The following NFATC2IP variants were observed in gnomAD, a reference collection of about 807,000 sequenced individuals.
NFATC2IP encodes the protein nuclear factor of activated T cells 2 interacting protein, also known as NFATC2-interacting protein.
In NFATC2IP, 25 loss-of-function variants were observed where a neutral mutation model predicts 40.2. The ratio of observed to expected loss-of-function variants is 0.62; its 90% CI spans 0.45 to 0.87. The LOEUF (loss-of-function observed/expected upper bound fraction) is 0.87. NFATC2IP is among the 40% of genes least tolerant of loss of function. NFATC2IP has a pLI of 0.00. For synonymous variants in NFATC2IP, 241 were observed against 236.3 expected (o/e 1.02, Z -0.18); for missense variants, 553 against 555.6 (o/e 1.00, Z 0.05).
chr16:28,951,255 G>C lies in NFATC2IP; in HGVS notation c.244G>C (p.Val82Leu). Residue 82 changes from valine to leucine, a missense_variant, in exon 1 of 8, where the codon GTC becomes CTC. By Grantham distance (32) the Val-to-Leu change is conservative. Coordinates refer to ENST00000320805, the MANE Select transcript of NFATC2IP (RefSeq NM_032815.4). Reference protein sequence around the residue: ...EVEPPEPPGPVASRDNSNSDS... With the variant: ...EVEPPEPPGPLASRDNSNSDS... ...GGAGCCCCCGGAGCCCCCGGGGCCGGTCGCGTCCCGGGATAACAGCAACAG... is the reference window on the plus strand; with the variant it reads ...GGAGCCCCCGGAGCCCCCGGGGCCGCTCGCGTCCCGGGATAACAGCAACAG... 1 of 1,488,712 alleles carries C rather than the reference G, an allele frequency of 6.7e-7. No individual in the cohort carries two copies. The highest frequency in any genetic ancestry group is 9.0e-7 in the Non-Finnish European group (1 of 1,113,532). The allele number at this position is 1,488,712 out of a possible 1,614,324, so 92.2% of individuals were successfully genotyped here. A position where few individuals can be genotyped will look rare whatever the true frequency, so the allele number is the denominator to read the frequency against.
chr16:28,961,529 T>C (rs1367699240), intron 7 of NFATC2IP, among the ~76,000 whole-genome samples: 1 of 151,834 alleles, frequency 6.6e-6, no homozygotes, highest in East Asian at 1.9e-4. Context: ...AATCAAGGTG[T>C]TAGCAGAGCA....
chr16:28,951,395 G>A lies in NFATC2IP; in HGVS notation c.384G>A (p.Gly128=). Reference sequence around the variant, plus strand: ...CGCCGCTGGTTCCGGTGTACTCGGGGAAGGTGCGCCCGGTCCCGGGGAGGG... The same window carrying A: ...CGCCGCTGGTTCCGGTGTACTCGGGAAAGGTGCGCCCGGTCCCGGGGAGGG... The part of the protein sequence containing the change: ...GEAPLVPVYS[G]KVKSSLRLIP... The change falls in exon 1 of 8, where the codon GGG becomes GGA. Residue 128 remains glycine (G), a synonymous_variant. Transcript: ENST00000320805. 4.3e-6 allele frequency: 6 copies of A among 1,398,284 alleles called. No individual in the cohort carries two copies. Among genetic ancestry groups the A allele is most frequent in the Non-Finnish European group, 5.6e-6 (6 of 1,079,980 alleles). The allele number at this position is 1,398,284 out of a possible 1,614,324, so 86.6% of individuals were successfully genotyped here.
intron 7 of NFATC2IP, 130 bp downstream of exon 7, chr16:28,959,230 G>GGCAT: frequency 1.6e-6 from 1 of 629,262 alleles, no homozygotes; most frequent in Non-Finnish European, 2.9e-6. Context: ...CATGTTCTTG[G>GGCAT]GTTCCCAGCC....
chr16:28,952,016 T>A lies in NFATC2IP; in HGVS notation c.388-116T>A, dbSNP rs1026896952. On this transcript the variant is annotated intron_variant, in intron 1 of 7. Transcript: ENST00000320805. ...AGGTTGCCAGGAGAGGGCCAAGGTG[T>A]CCACGATCTTAGGGAGGATTTGGGA... 9.9e-6 allele frequency: 14 copies of A among 1,407,740 alleles called. No individual in the cohort carries two copies. The Admixed American group carries it at 2.3e-4, about 23-fold the overall frequency. 87.2% of individuals were successfully genotyped at this position (1,407,740 alleles called of 1,614,324 possible).
At chr16:28,952,436 G>A (rs1964977903) in intron 2 of NFATC2IP, 2 of 576,416 alleles carry the variant, frequency 3.5e-6, no homozygotes, top group Non-Finnish European at 5.8e-6. Flanking sequence ...CCTGGGCGGG[G>A]CAGGAGGCGG....
At chr16:28,962,202 C>T (rs762279991) in intron 7 of NFATC2IP, among the ~76,000 whole-genome samples, 1 of 152,152 alleles carries the variant, frequency 6.6e-6, no homozygotes, top group Admixed American at 6.6e-5. Context: ...CACTGCACCT[C>T]GCCCCCTCCT....
intron 7 of NFATC2IP, among the ~76,000 whole-genome samples, 162 bp from the exon 8 acceptor site, chr16:28,963,542 CT>C (rs1175346312): frequency 1.3e-5 from 2 of 152,232 alleles, no homozygotes; most frequent in African/African-American, 4.8e-5. Context: ...AGGAGCCTGG[CT>C]GGGCTGGCTT....
intron 3 of NFATC2IP, among the ~76,000 whole-genome samples, chr16:28,955,626 C>T (rs1415188156): frequency 6.6e-6 from 1 of 152,046 alleles, no homozygotes; most frequent in Non-Finnish European, 1.5e-5. Context: ...AGAGATAGGG[C>T]CTCACTCCAT....
intron 7 of NFATC2IP, 52 bp from the exon 8 acceptor site, chr16:28,963,653 A>G (rs1045745639): frequency 2.2e-5 from 35 of 1,560,298 alleles, no homozygotes; most frequent in Non-Finnish European, 2.9e-5. Flanking sequence ...TCCCTACGGG[A>G]TCCCCGCCCC....
In NFATC2IP at chr16:28,958,866, G is replaced by A. The variant is rs749939589; in HGVS notation, c.991+5G>A. 1 of 1,613,718 alleles carries A rather than the reference G, an allele frequency of 6.2e-7. No homozygotes were observed. The highest frequency in any genetic ancestry group is 2.2e-5 in the East Asian group (1 of 44,886). ...TCGGAGTGGCTGACATCATTGGTGA[G>A]AGGAAGGCAGGGAGGTGGGGCCTTG... On this transcript the variant is annotated splice_donor_5th_base_variant and intron_variant, in intron 6 of 7. Transcript: ENST00000320805.
intron 1 of NFATC2IP, 65 bp from the exon 2 acceptor site, chr16:28,952,067 C>G: frequency 3.7e-6 from 6 of 1,607,814 alleles, no homozygotes; most frequent in South Asian, 3.3e-5. Flanking sequence ...AGAATTACCC[C>G]CAATTTTTTC....
chr16:28,958,179 G>T (rs2141644240), intron 5 of NFATC2IP, among the ~76,000 whole-genome samples: 1 of 151,970 alleles, frequency 6.6e-6, no homozygotes, highest in South Asian at 2.1e-4. Flanking sequence ...GCCAGGTGCG[G>T]TGGCTCACAC....
At chr16:28,954,420 A>G (rs1461369060) in intron 2 of NFATC2IP, 145 bp from the exon 3 acceptor site, 1 of 555,058 alleles carries the variant, frequency 1.8e-6, no homozygotes, top group African/African-American at 1.8e-5. Flanking sequence ...CTTTCCCAAT[A>G]TTATCATGTG....
At chr16:28,952,253 A>C (rs774699468) in intron 2 of NFATC2IP, 49 bp downstream of exon 2, 1 of 1,611,188 alleles carries the variant, frequency 6.2e-7, no homozygotes, top group Non-Finnish European at 8.5e-7. Context: ...GCTTCTCTTA[A>C]GAGAATTCCT....
At chr16:28,952,313 C>T (rs747885177) in intron 2 of NFATC2IP, 109 bp downstream of exon 2, 19 of 1,533,962 alleles carry the variant, frequency 1.2e-5, no homozygotes, top group Non-Finnish European at 1.5e-5. Flanking sequence ...AAGGGAAGAG[C>T]GTGGGAGAGG....
At chr16:28,952,607 A>G (rs1431647796) in intron 2 of NFATC2IP, 2 of 211,322 alleles carry the variant, frequency 9.5e-6, no homozygotes, top group African/African-American at 4.7e-5. Context: ...GGGAATAGGA[A>G]TCTAGTCTAA....
intron 7 of NFATC2IP, among the ~76,000 whole-genome samples, chr16:28,961,875 G>A (rs1965091119): frequency 6.8e-6 from 1 of 146,974 alleles, no homozygotes; most frequent in South Asian, 2.2e-4. Flanking sequence ...ACTCCAGCCT[G>A]GGCGACAGAG....
At position 28,951,026 on chromosome 16, in the gene NFATC2IP, G is replaced by T. The variant is rs754346956; in HGVS notation, c.15G>T (p.Val5=). Residue 5 remains valine (V), a synonymous_variant, in exon 1 of 8, where the codon GTG becomes GTT. Coordinates refer to ENST00000320805, the MANE Select transcript of NFATC2IP (RefSeq NM_032815.4). The part of the protein sequence containing the change: MAEP[V]GKRGRWSGGS... ...GAAAGTGTGCCATGGCGGAGCCTGT[G>T]GGGAAGCGGGGCCGCTGGTCCGGAG... 4 of 1,525,242 alleles carry T rather than the reference G, an allele frequency of 2.6e-6. No homozygotes were observed. Among genetic ancestry groups the T allele is most frequent in the Non-Finnish European group, 3.5e-6 (4 of 1,139,076 alleles). 94.5% of individuals were successfully genotyped at this position (1,525,242 alleles called of 1,614,324 possible).
Position 28,966,444 on chromosome 16 carries a change from T to TAAAAAAAAAAAAAAA in NFATC2IP, c.*2588_*2602dup, listed in dbSNP as rs869184973. 17 of 122,098 alleles carry TAAAAAAAAAAAAAAA rather than the reference T, an allele frequency of 1.4e-4. 1 individual carries two copies. The highest frequency in any genetic ancestry group is 5.4e-4 in the African/African-American group (17 of 31,534). 7.6% of individuals were successfully genotyped at this position (122,098 alleles called of 1,614,324 possible). A position where few individuals can be genotyped will look rare whatever the true frequency, so the allele number is the denominator to read the frequency against. On this transcript the variant is annotated 3_prime_UTR_variant, in exon 8 of 8. Transcript: ENST00000320805. ...GGCAACACAGCGAGACCTTGTCTCT[T>TAAAAAAAAAAAAAAA]AAAAAAAAAAAAAAAAAAAAATGAG...
Sources: allele counts gnomAD v4.1 joint callset (sites outside exome capture counted in the v4.1 genomes callset), GRCh38; gene constraint gnomAD v4.1.1; transcripts MANE v1.5; gene names NCBI Gene and HGNC (gene_info 2026-07-23, HGNC 2026-07-21).